The following GPR157 variants were observed in gnomAD, a reference collection of about 807,000 sequenced individuals.
The protein encoded by GPR157 is G-protein coupled receptor 157.
GPR157 carries 16 observed loss-of-function variants against 23.5 expected under a neutral mutation model. The observed-to-expected ratio is 0.68, with a 90% CI of 0.46 to 1.04. The LOEUF is 1.04. Ranked by LOEUF, GPR157 falls within the 50% of genes least tolerant of loss-of-function variation. The pLI is 0.00. For synonymous variants in GPR157, 200 were observed against 221.5 expected (o/e 0.90, Z 0.86); for missense variants, 440 against 460.7 (o/e 0.96, Z 0.41).
intron 1 of GPR157, among the ~76,000 whole-genome samples, chr1:9,127,996 T>C (rs932875226): frequency 6.6e-6 from 1 of 152,108 alleles, no homozygotes; most frequent in Non-Finnish European, 1.5e-5. Flanking sequence ...CCAGGAGGAC[T>C]CCGAGACTCC....
Position 9,105,574 on chromosome 1 carries a change from A to C in GPR157, c.704T>G (p.Ile235Ser). The C allele has an allele frequency of 6.2e-7, 1 of 1,609,796 alleles. No homozygotes were observed. Among genetic ancestry groups the C allele is most frequent in the Non-Finnish European group, 8.5e-7 (1 of 1,178,650 alleles). Residue 235 changes from isoleucine (I) to serine (S), a missense_variant, in exon 3 of 4, where the codon ATC (isoleucine) becomes AGC (serine). Ile to Ser is a moderately radical substitution (Grantham distance 142). Coordinates refer to ENST00000377411, the MANE Select transcript of GPR157 (RefSeq NM_024980.5). This position sits in a 1 kb window ranked among gnomAD's most constrained non-coding sequence, Gnocchi z 4.8. ...KKLVLIPLIF[I>S]GLRVWSTVRF... ...CACGGTGCTCCAGACCCTGAGGCCG[A>C]TGAAGATGAGCGGGATGAGCACCAG...
At chr1:9,112,193 C>T (rs1638525842) in intron 1 of GPR157, among the ~76,000 whole-genome samples, 1 of 152,184 alleles carries the variant, frequency 6.6e-6, no homozygotes, top group Non-Finnish European at 1.5e-5. Context: ...GCAAATGTGC[C>T]ACAAACAATC....
In GPR157 at chr1:9,111,420, G is replaced by C; in HGVS notation, c.453C>G (p.Asp151Glu). The change falls in exon 2 of 4, where the codon GAC (aspartate) becomes GAG (glutamate). Residue 151 changes from aspartate to glutamate, a missense_variant. Asp to Glu is a conservative substitution (Grantham distance 45). Coordinates refer to ENST00000377411, the MANE Select transcript of GPR157 (RefSeq NM_024980.5). ...CGATCCAGCACCAGCCCACAGACACGTCCGAGGCGTCATAGCCAATCTTCT... is the reference window on the plus strand; with the variant it reads ...CGATCCAGCACCAGCCCACAGACACCTCCGAGGCGTCATAGCCAATCTTCT... Reference protein sequence around the residue: ...ALKKIGYDASDVSVGWCWIDL... With the variant: ...ALKKIGYDASEVSVGWCWIDL... The C allele has an allele frequency of 6.2e-7, 1 of 1,614,148 alleles. No individual in the cohort carries two copies. The highest frequency in any genetic ancestry group is 1.1e-5 in the South Asian group (1 of 91,078).
Position 9,105,607 on chromosome 1 carries a change from T to A in GPR157, c.671A>T (p.Asp224Val). 6.2e-7 allele frequency: 1 copy of A among 1,612,432 alleles called. No individual in the cohort carries two copies. Among genetic ancestry groups the A allele is most frequent in the African/African-American group, 1.3e-5 (1 of 75,016 alleles). Reference protein sequence around the residue: ...HRLLRHSSMADKKLVLIPLIF... With the variant: ...HRLLRHSSMAVKKLVLIPLIF... ...GAGCGGGATGAGCACCAGCTTCTTG[T>A]CCGCCATGGAGGAGTGGCGCAGCAG... The change falls in exon 3 of 4, where the codon GAC becomes GTC. Residue 224 changes from aspartate to valine, a missense_variant. Coordinates refer to ENST00000377411, the MANE Select transcript of GPR157 (RefSeq NM_024980.5). This position sits in a 1 kb window ranked among gnomAD's most constrained non-coding sequence, Gnocchi z 4.8.
chr1:9,119,070 C>A (rs1638746780), intron 1 of GPR157, among the ~76,000 whole-genome samples: 1 of 139,376 alleles, frequency 7.2e-6, no homozygotes, highest in Non-Finnish European at 1.5e-5. Context: ...CTCACTGTGT[C>A]TCCCAGGCTG....
rs1638741089 is a variant in GPR157, at chr1:9,118,877, A to T, written c.384-7388T>A. 1.3e-5 allele frequency among the ~76,000 whole-genome samples: 2 copies of T among 152,224 alleles called. No homozygotes were observed. Among genetic ancestry groups the T allele is most frequent in the Admixed American group, 1.3e-4 (2 of 15,284 alleles). ...AGTGAGACCCTGTCTCTACAAAAAA[A>T]TACATAAATTAGCCAGGCGTGGTGG... On this transcript the variant is annotated intron_variant, in intron 1 of 3. Coordinates refer to ENST00000377411, the MANE Select transcript of GPR157 (RefSeq NM_024980.5). The surrounding 1 kb of genome is among the most constrained non-coding windows in gnomAD (Gnocchi z 4.6).
rs1642558364 is a variant in GPR157 at position 9,100,905 on chromosome 1, G to C, written c.*3514C>G. ...TCCCAGCTTCTCAGGGAGCTGAGGT[G>C]GGAGGATCGCTTGAGCCTGGGAGGT... On this transcript the variant is annotated 3_prime_UTR_variant, in exon 4 of 4. Transcript: ENST00000377411. 1 of 152,434 alleles carries C rather than the reference G, an allele frequency of 6.6e-6. No individual in the cohort carries two copies. Among genetic ancestry groups the C allele is most frequent in the Admixed American group, 6.5e-5 (1 of 15,306 alleles). 9.4% of individuals were successfully genotyped at this position (152,434 alleles called of 1,614,324 possible). A position where few individuals can be genotyped will look rare whatever the true frequency, so the allele number is the denominator to read the frequency against.
At chr1:9,112,368 G>C (rs1232123084) in intron 1 of GPR157, among the ~76,000 whole-genome samples, 1 of 152,178 alleles carries the variant, frequency 6.6e-6, no homozygotes, top group African/African-American at 2.4e-5. Flanking sequence ...CTTACACAAT[G>C]GCGGGGAACA....
At chr1:9,108,889 C>G (rs1638411372) in intron 2 of GPR157, among the ~76,000 whole-genome samples, 1 of 152,040 alleles carries the variant, frequency 6.6e-6, no homozygotes. Flanking sequence ...GGGTTCACAC[C>G]ATTCTCCTAC....
chr1:9,117,517 T>C (rs998778728), intron 1 of GPR157, among the ~76,000 whole-genome samples: 12 of 152,236 alleles, frequency 7.9e-5, no homozygotes, highest in Admixed American at 2.6e-4. Context: ...CCCAGCACTT[T>C]GGGAGGCCGA....
Position 9,116,246 on chromosome 1 carries a change from AT to A in GPR157, c.384-4758del, listed in dbSNP as rs1303927266. ...TACATATAATATAATTATATATATA[AT>A]TATATATATATTATATATAATATAA... On this transcript the variant is annotated intron_variant, in intron 1 of 3. Transcript: ENST00000377411. 8.9e-3 allele frequency among the ~76,000 whole-genome samples: 3 copies of A among 336 alleles called. 1 individual carries two copies. The highest frequency in any genetic ancestry group is 0.017 in the Non-Finnish European group (3 of 172). The allele number at this position is 336 out of a possible 152,430, so 0.2% of individuals were successfully genotyped here. A position where few individuals can be genotyped will look rare whatever the true frequency, so the allele number is the denominator to read the frequency against.
chr1:9,106,445 C>T (rs926197727), intron 2 of GPR157, among the ~76,000 whole-genome samples: 2 of 152,208 alleles, frequency 1.3e-5, no homozygotes, highest in African/African-American at 2.4e-5. Context: ...ATGCTCCTTA[C>T]GGTCGCAGCG....
At chr1:9,123,291 A>AAT (rs1553175822) in intron 1 of GPR157, among the ~76,000 whole-genome samples, 2 of 21,500 alleles carry the variant, frequency 9.3e-5, no homozygotes, top group Non-Finnish European at 1.8e-4. Context: ...TATTTAAATT[A>AAT]ATATATATTT....
chr1:9,105,419 CGGGAAGGAATCAGGCTGTGCCTCCTCTGG>C lies in GPR157; in HGVS notation c.792+38_792+66del. Reference sequence around the variant, plus strand: ...ACACTGGGGTGCAGCCACTGTGCTGCGGGAAGGAATCAGGCTGTGCCTCCTCTGGGGGCAGGGACGACAAGGGCCAGGGA... The same window carrying C: ...ACACTGGGGTGCAGCCACTGTGCTGCGGGCAGGGACGACAAGGGCCAGGGA... On this transcript the variant is annotated intron_variant, in intron 3 of 3. Coordinates refer to ENST00000377411, the MANE Select transcript of GPR157 (RefSeq NM_024980.5). The surrounding 1 kb of genome is among the most constrained non-coding windows in gnomAD (Gnocchi z 4.8). 1 of 1,406,922 alleles carries C rather than the reference CGGGAAGGAATCAGGCTGTGCCTCCTCTGG, an allele frequency of 7.1e-7. No homozygotes were observed. The highest frequency in any genetic ancestry group is 9.6e-7 in the Non-Finnish European group (1 of 1,041,824). The allele number at this position is 1,406,922 out of a possible 1,614,324, so 87.2% of individuals were successfully genotyped here. A position where few individuals can be genotyped will look rare whatever the true frequency, so the allele number is the denominator to read the frequency against.
rs1214742949 is a variant in GPR157, at chr1:9,101,417, C to T, written c.*3002G>A. On this transcript the variant is annotated 3_prime_UTR_variant, in exon 4 of 4. Transcript: ENST00000377411. ...CCAGCCTTTCTGTCTGAGCACTACC[C>T]ACCCAGCTAGACTGACTTGGTAACT... The T allele has an allele frequency of 6.6e-6, 1 of 152,268 alleles. No homozygotes were observed. The highest frequency in any genetic ancestry group is 1.9e-4 in the East Asian group (1 of 5,178). The allele number at this position is 152,268 out of a possible 1,614,324, so 9.4% of individuals were successfully genotyped here. A position where few individuals can be genotyped will look rare whatever the true frequency, so the allele number is the denominator to read the frequency against.
rs912776145 is a variant in GPR157, at chr1:9,120,304, G to A, written c.383+8341C>T. On this transcript the variant is annotated intron_variant, in intron 1 of 3. Transcript: ENST00000377411. This position sits in a 1 kb window ranked among gnomAD's most constrained non-coding sequence, Gnocchi z 4.1. ...AACTTCATCCTTCCTACAGATCTCTGGGGGCTGGCACCTGCCAGGAGGAAA... is the reference window on the plus strand; with the variant it reads ...AACTTCATCCTTCCTACAGATCTCTAGGGGCTGGCACCTGCCAGGAGGAAA... 1.3e-5 allele frequency among the ~76,000 whole-genome samples: 2 copies of A among 152,164 alleles called. No individual in the cohort carries two copies. Among genetic ancestry groups the A allele is most frequent in the African/African-American group, 2.4e-5 (1 of 41,432 alleles).
intron 1 of GPR157, among the ~76,000 whole-genome samples, chr1:9,116,160 A>AT (rs1638631422): frequency 5.0e-5 from 1 of 19,826 alleles, no homozygotes; most frequent in Non-Finnish European, 9.2e-5. Context: ...TTATATATAT[A>AT]TATAATATAA....
intron 1 of GPR157, among the ~76,000 whole-genome samples, chr1:9,114,041 C>T (rs1422559119): frequency 1.4e-5 from 2 of 145,342 alleles, no homozygotes; most frequent in Admixed American, 1.4e-4. Flanking sequence ...TCATGACAGG[C>T]CAGGCGAGGT....
rs758079004 is a variant in GPR157, at chr1:9,111,345, C to T, written c.528G>A (p.Leu176=). ...GCAGCACATATGCCAGCATCTCCCA[C>T]AGCTTCCCCGTCAGCAGCATCCACA... ...HVLWMLLTGK[L]WEMLAYVLLP... The change falls in exon 2 of 4, where the codon CTG becomes CTA. Residue 176 remains leucine (L), a synonymous_variant. Coordinates refer to ENST00000377411, the MANE Select transcript of GPR157 (RefSeq NM_024980.5). 6.2e-7 allele frequency: 1 copy of T among 1,614,238 alleles called. No homozygotes were observed. Among genetic ancestry groups the T allele is most frequent in the Non-Finnish European group, 8.5e-7 (1 of 1,180,042 alleles).
Sources: allele counts gnomAD v4.1 joint callset (sites outside exome capture counted in the v4.1 genomes callset), GRCh38; gene constraint gnomAD v4.1.1; non-coding constraint Gnocchi (gnomAD v3.1); transcripts MANE v1.5; gene names NCBI Gene and HGNC (gene_info 2026-07-23, HGNC 2026-07-21).